The following STOX1 variants were observed in gnomAD, a reference collection of about 807,000 sequenced individuals.
The protein encoded by STOX1 is storkhead-box protein 1.
A neutral mutation model predicts 74.8 loss-of-function variants in STOX1; 57 were observed. That is an observed-to-expected ratio of 0.76 (90% confidence interval 0.62 to 0.95). STOX1 has a LOEUF of 0.95. Ranked by LOEUF, STOX1 falls within the 40% of genes least tolerant of loss-of-function variation. STOX1 has a pLI of 0.00. For missense variants in STOX1, 1,010 were observed against 1,117.0 expected, an observed-to-expected ratio of 0.90 and a Z score of 1.37; for synonymous variants, 375 against 401.3, an observed-to-expected ratio of 0.93 and a Z score of 0.78.
chr10:68,831,168 T>C (rs1160296651), intron 1 of STOX1, among the ~76,000 whole-genome samples: 2 of 152,114 alleles, frequency 1.3e-5, no homozygotes, highest in Non-Finnish European at 2.9e-5. Context: ...TCTGATCTCT[T>C]TGCCATAGAT....
chr10:68,846,756 G>C (rs893223868), intron 1 of STOX1: 1 of 152,030 alleles, frequency 6.6e-6, no homozygotes. Context: ...GAATCAACTT[G>C]TCTATTTCTA....
downstream of STOX1, among the ~76,000 whole-genome samples, chr10:68,893,268 G>A (rs1180213926): frequency 6.6e-6 from 1 of 152,202 alleles, no homozygotes; most frequent in Non-Finnish European, 1.5e-5. Flanking sequence ...TGGCTACTCT[G>A]CAACAAGAAT....
At chr10:68,886,664 C>T (rs1261698181) in intron 3 of STOX1, 46 bp downstream of exon 3, 7 of 1,573,408 alleles carry the variant, frequency 4.4e-6, no homozygotes, top group African/African-American at 1.3e-5. Context: ...CGCAGTGGCT[C>T]ATGCCTGTAA....
chr10:68,837,668 AGT>A (rs1839588999), intron 1 of STOX1, among the ~76,000 whole-genome samples: 1 of 152,226 alleles, frequency 6.6e-6, no homozygotes, highest in South Asian at 2.1e-4. Flanking sequence ...GTGCTTGTTC[AGT>A]GGCAGATCTG....
chr10:68,894,754 G>C (rs374257178), downstream of STOX1, among the ~76,000 whole-genome samples: 1 of 152,102 alleles, frequency 6.6e-6, no homozygotes, highest in East Asian at 1.9e-4. Flanking sequence ...TTTTGAGACG[G>C]GGTCTCTGTC....
intron 1 of STOX1, among the ~76,000 whole-genome samples, chr10:68,835,713 C>T (rs779360885): frequency 2.6e-4 from 39 of 152,168 alleles, no homozygotes; most frequent in Non-Finnish European, 4.7e-4. Flanking sequence ...TGGGCCTTTT[C>T]GATATCCTTC....
At position 68,891,347 on chromosome 10, in the gene STOX1, G is replaced by A. The variant is rs1841091677; in HGVS notation, c.2823-1242G>A. The stretch of plus-strand genomic sequence containing the variant: ...GGAGACAAACAATAAACATAGGCAA[G>A]TTGAACTTAAGAACAAAGCATGAGA... On this transcript the variant is annotated intron_variant, in intron 3 of 3. Transcript: ENST00000298596. Among the ~76,000 whole-genome samples, 5 of 152,162 alleles carry A rather than the reference G, an allele frequency of 3.3e-5. No homozygotes were observed. In the South Asian group the frequency reaches 8.3e-4, roughly 25 times the overall value.
chr10:68,837,937 T>C (rs986885231), intron 1 of STOX1, among the ~76,000 whole-genome samples: 3 of 152,238 alleles, frequency 2.0e-5, no homozygotes, highest in African/African-American at 7.2e-5. Flanking sequence ...CCTTCTTTAA[T>C]TTCTTTCATA....
At chr10:68,881,932 C>T (rs756978307) in intron 1 of STOX1, 26 bp from the exon 2 acceptor site, 5 of 1,613,486 alleles carry the variant, frequency 3.1e-6, no homozygotes, top group Middle Eastern at 1.7e-4. Context: ...AACCCCCTCC[C>T]CCTTTTTTTT....
intron 1 of STOX1, among the ~76,000 whole-genome samples, chr10:68,866,152 T>TC: frequency 6.6e-6 from 1 of 152,184 alleles, no homozygotes; most frequent in East Asian, 1.9e-4. Flanking sequence ...AATAAATCTC[T>TC]CCCCCATAAA....
At chr10:68,832,823 G>C (rs1213972417) in intron 1 of STOX1, among the ~76,000 whole-genome samples, 1 of 152,078 alleles carries the variant, frequency 6.6e-6, no homozygotes, top group African/African-American at 2.4e-5. Flanking sequence ...GAATGTAGTG[G>C]TACAATCATG....
chr10:68,865,450 C>A (rs1176068845), intron 1 of STOX1, among the ~76,000 whole-genome samples: 1 of 151,980 alleles, frequency 6.6e-6, no homozygotes, highest in African/African-American at 2.4e-5. Flanking sequence ...GAGATTGAGA[C>A]CATCCTGGCT....
At chr10:68,890,612 G>A (rs183617400) in intron 3 of STOX1, among the ~76,000 whole-genome samples, 204 of 147,768 alleles carry the variant, frequency 1.4e-3, no homozygotes, top group African/African-American at 4.9e-3. Flanking sequence ...TTTTAAAAAC[G>A]TATCATTACT....
intron 1 of STOX1, among the ~76,000 whole-genome samples, chr10:68,860,228 A>C (rs1001105169): frequency 6.6e-6 from 1 of 150,976 alleles, no homozygotes; most frequent in Non-Finnish European, 1.5e-5. Context: ...AGATCATGCC[A>C]CTGCACCCCA....
At position 68,885,776 on chromosome 10, in the gene STOX1, T is replaced by C. The variant is rs1564588730; in HGVS notation, c.1980T>C (p.Asp660=). ...DRTPSACRLV[D]NTIHQFQNLG... is the part of the protein sequence containing the mutation. ...CACCCTCTGCTTGTAGATTAGTGGATAACACAATACACCAGTTTCAAAATC... is the reference window on the plus strand; with the variant it reads ...CACCCTCTGCTTGTAGATTAGTGGACAACACAATACACCAGTTTCAAAATC... Residue 660 remains aspartate (D), a synonymous_variant, in exon 3 of 4, where the codon GAT becomes GAC. Coordinates refer to ENST00000298596, the MANE Select transcript of STOX1 (RefSeq NM_152709.5). 1 of 1,614,090 alleles carries C rather than the reference T, an allele frequency of 6.2e-7. No homozygotes were observed. Among genetic ancestry groups the C allele is most frequent in the Non-Finnish European group, 8.5e-7 (1 of 1,180,030 alleles).
intron 1 of STOX1, among the ~76,000 whole-genome samples, chr10:68,880,986 A>G (rs1731653690): frequency 6.6e-6 from 1 of 152,090 alleles, no homozygotes; most frequent in Non-Finnish European, 1.5e-5. Context: ...GAGCCACCAC[A>G]TCTGGTCCCT....
chr10:68,885,126 C>A lies in STOX1; in HGVS notation c.1330C>A (p.Pro444Thr), dbSNP rs765319774. 3.7e-6 allele frequency: 6 copies of A among 1,612,824 alleles called. No individual in the cohort carries two copies. Among genetic ancestry groups the A allele is most frequent in the Admixed American group, 1.7e-5 (1 of 59,854 alleles). ...KARNQGSEFQ[P>T]GSIRLEKHPK... is the part of the protein sequence containing the mutation. ...CAGGAATCAGGGAAGTGAGTTTCAG[C>A]CAGGAAGCATTAGACTGGAGAAACA... The change falls in exon 3 of 4, where the codon CCA (proline) becomes ACA (threonine). Residue 444 changes from proline (P) to threonine (T), a missense_variant. Transcript: ENST00000298596.
At chr10:68,852,407 CG>C (rs1366606316) in intron 1 of STOX1, among the ~76,000 whole-genome samples, 2 of 150,238 alleles carry the variant, frequency 1.3e-5, no homozygotes, top group Admixed American at 1.3e-4. Context: ...TACAGGCGCC[CG>C]CCACCGCACC....
In STOX1 at chr10:68,886,141, A is replaced by C. The variant is rs766280159; in HGVS notation, c.2345A>C (p.Tyr782Ser). ...QKVIERSLTEYNSTMERVESQ... is the reference protein window; with the variant it reads ...QKVIERSLTESNSTMERVESQ... ...GTGATTGAGAGATCTCTGACCGAGT[A>C]CAACAGCACAATGGAGAGGGTTGAG... is the stretch of plus-strand genomic sequence containing the variant. The change falls in exon 3 of 4, where the codon TAC becomes TCC. Residue 782 changes from tyrosine to serine, a missense_variant. Physicochemically the swap from Tyr to Ser is moderately radical, Grantham distance 144. Coordinates refer to ENST00000298596, the MANE Select transcript of STOX1 (RefSeq NM_152709.5). 1.9e-6 allele frequency: 3 copies of C among 1,614,222 alleles called. No homozygotes were observed. The highest frequency in any genetic ancestry group is 1.6e-4 in the Middle Eastern group (1 of 6,062).
Sources: gnomAD v4.1 joint callset for allele counts (sites outside exome capture counted in the v4.1 genomes callset) on GRCh38, gnomAD v4.1.1 for gene constraint, MANE v1.5 for transcripts, NCBI Gene and HGNC (gene_info 2026-07-23, HGNC 2026-07-21) for gene names.